OR6P1: variants seen among roughly 807,000 people sequenced by gnomAD.
OR6P1 encodes olfactory receptor 6P1.
In OR6P1, 5 loss-of-function variants were observed where a neutral mutation model predicts 6.6. The observed-to-expected ratio is 0.76, with a 90% CI of 0.40 to 1.60. The LOEUF (loss-of-function observed/expected upper bound fraction) is 1.60, where lower values mean the gene tolerates loss of function less well. Ranked by LOEUF, OR6P1 falls within the 40% of genes most tolerant of loss-of-function variation. The pLI, the probability that OR6P1 is intolerant of heterozygous loss-of-function variation, is 0.02. For synonymous variants in OR6P1, 177 were observed against 149.6 expected (o/e 1.18, Z -1.33); for missense variants, 451 against 383.0 (o/e 1.18, Z -1.48).
chr1:158,560,608 T>C lies in OR6P1; in HGVS notation c.*2043A>G, dbSNP rs1261882381. The C allele has an allele frequency of 6.6e-6, 1 of 152,104 alleles. No homozygotes were observed. The highest frequency in any genetic ancestry group is 1.5e-5 in the Non-Finnish European group (1 of 68,010). The allele number at this position is 152,104 out of a possible 1,614,324, so 9.4% of individuals were successfully genotyped here. A position where few individuals can be genotyped will look rare whatever the true frequency, so the allele number is the denominator to read the frequency against. On this transcript the variant is annotated 3_prime_UTR_variant, in exon 3 of 3. Coordinates refer to ENST00000641540, the MANE Select transcript of OR6P1 (RefSeq NM_001160325.2). ...CAAATCCAACATTCTAGAAGGGCAG[T>C]TTTAGGAGTTTCTCTTACAGAAAGG...
chr1:158,564,446 G>C (rs1377983132), intron 2 of OR6P1, among the ~76,000 whole-genome samples: 2 of 151,912 alleles, frequency 1.3e-5, no homozygotes, highest in Admixed American at 1.3e-4. Flanking sequence ...CAATGAAAAA[G>C]GTCTTTACAA....
intron 2 of OR6P1, 23 bp from the exon 3 acceptor site, chr1:158,563,649 C>G (rs888549193): frequency 1.5e-6 from 2 of 1,298,940 alleles, no homozygotes; most frequent in Non-Finnish European, 2.1e-6. Context: ...ACAGGAAGAA[C>G]AAGAGGTTTG....
chr1:158,566,506 C>A lies in OR6P1; in HGVS notation c.-23+258G>T, dbSNP rs188657141. 5.3e-5 allele frequency among the ~76,000 whole-genome samples: 8 copies of A among 152,198 alleles called. No individual in the cohort carries two copies. In the East Asian group the frequency reaches 9.7e-4, roughly 18 times the overall value. On this transcript the variant is annotated intron_variant, in intron 2 of 2. Coordinates refer to ENST00000641540, the MANE Select transcript of OR6P1 (RefSeq NM_001160325.2). ...AGGTAAGGGAATTGAGATGCTAAGGCAGACTGAACAATGACAGAACATCTG... is the reference window on the plus strand; with the variant it reads ...AGGTAAGGGAATTGAGATGCTAAGGAAGACTGAACAATGACAGAACATCTG...
Position 158,562,656 on chromosome 1 carries a change from C to T in OR6P1, c.949G>A (p.Asp317Asn), listed in dbSNP as rs1223567634. The T allele has an allele frequency of 6.5e-7, 1 of 1,545,404 alleles. No homozygotes were observed. The change falls in exon 3 of 3, where the codon GAC becomes AAC. Residue 317 changes from aspartate (D) to asparagine (N), a missense_variant. By Grantham distance (23) the Asp-to-Asn change is conservative. Coordinates refer to ENST00000641540, the MANE Select transcript of OR6P1 (RefSeq NM_001160325.2). ...CTCCCAAGACCTGTTGTATATCAGTCCTGAACATCCCTAGGATAGTGACAT... is the reference window on the plus strand; with the variant it reads ...CTCCCAAGACCTGTTGTATATCAGTTCTGAACATCCCTAGGATAGTGACAT... ...GRCHYPRDVQ[D>N]
At chr1:158,564,594 C>T (rs769981586) in intron 2 of OR6P1, among the ~76,000 whole-genome samples, 7 of 152,068 alleles carry the variant, frequency 4.6e-5, no homozygotes, top group Non-Finnish European at 1.0e-4. Flanking sequence ...AATGAATGCC[C>T]ACAGCCATCA....
chr1:158,569,977 G>GT (rs372703224), intron 1 of OR6P1, among the ~76,000 whole-genome samples: 46 of 151,226 alleles, frequency 3.0e-4, no homozygotes, highest in African/African-American at 6.1e-4. Context: ...AATAGTTTTT[G>GT]TTTTTTTTTA....
chr1:158,564,638 G>T (rs1379933634), intron 2 of OR6P1, among the ~76,000 whole-genome samples: 1 of 152,172 alleles, frequency 6.6e-6, no homozygotes, highest in South Asian at 2.1e-4. Flanking sequence ...TTTCTCAAGA[G>T]CCTCCAGAGG....
In OR6P1 at chr1:158,563,716, C is replaced by T. The variant is rs753084207; in HGVS notation, c.-22-90G>A. On this transcript the variant is annotated intron_variant, in intron 2 of 2. Transcript: ENST00000641540. The stretch of plus-strand genomic sequence containing the variant: ...CTCACAGGTTATAACCACTGAAGAG[C>T]TTAGTGGCATATTAATTATTATAAC... The T allele has an allele frequency of 2.0e-5, 13 of 645,522 alleles. 1 individual carries two copies. In the Middle Eastern group the frequency reaches 2.8e-3, roughly 140 times the overall value. 40.0% of individuals were successfully genotyped at this position (645,522 alleles called of 1,614,324 possible). A position where few individuals can be genotyped will look rare whatever the true frequency, so the allele number is the denominator to read the frequency against.
rs1557899832 is a variant in OR6P1 at position 158,563,003 on chromosome 1, A to T, written c.602T>A (p.Leu201His). The stretch of plus-strand genomic sequence containing the variant: ...GAGTAGAATCATCACCAGGGCCAGA[A>T]GGAAGTCTACTAGCTCTGCTTGCTC... ...DKEQAELVDF[L>H]LALVMILLPL... Residue 201 changes from leucine (L) to histidine (H), a missense_variant, in exon 3 of 3, where the codon CTT (leucine) becomes CAT (histidine). Transcript: ENST00000641540. The T allele has an allele frequency of 6.4e-7, 1 of 1,551,784 alleles. No individual in the cohort carries two copies. The highest frequency in any genetic ancestry group is 2.4e-5 in the East Asian group (1 of 40,918).
chr1:158,569,949 T>C (rs554487168), intron 1 of OR6P1, among the ~76,000 whole-genome samples: 1 of 152,362 alleles, frequency 6.6e-6, no homozygotes, highest in South Asian at 2.1e-4. Flanking sequence ...TCTCTGTGTA[T>C]GGCAGTCAAA....
At chr1:158,568,511 C>A (rs561328940) in intron 1 of OR6P1, among the ~76,000 whole-genome samples, 1 of 152,134 alleles carries the variant, frequency 6.6e-6, no homozygotes, top group African/African-American at 2.4e-5. Context: ...ATGGGGAACA[C>A]CTTGAAGAAT....
chr1:158,565,539 A>G (rs1648075426), intron 2 of OR6P1, among the ~76,000 whole-genome samples: 1 of 152,170 alleles, frequency 6.6e-6, no homozygotes, highest in African/African-American at 2.4e-5. Context: ...GTGCTTTATA[A>G]AAGATTTTCT....
At position 158,562,723 on chromosome 1, in the gene OR6P1, G is replaced by C. The variant is rs1316077484; in HGVS notation, c.882C>G (p.Asn294Lys). ...TCCTGAAGGCCTCCTTCACCTCCTT[G>C]TTCCTCAGGCAGTAGATGGCTGGGT... ...FFNPAIYCLR[N>K]KEVKEAFRKT... The change falls in exon 3 of 3, where the codon AAC becomes AAG. Residue 294 changes from asparagine (N) to lysine (K), a missense_variant. Coordinates refer to ENST00000641540, the MANE Select transcript of OR6P1 (RefSeq NM_001160325.2). 1 of 1,561,792 alleles carries C rather than the reference G, an allele frequency of 6.4e-7. No homozygotes were observed. The highest frequency in any genetic ancestry group is 8.7e-7 in the Non-Finnish European group (1 of 1,152,250).
Position 158,562,639 on chromosome 1 carries a change from AC to A in OR6P1, c.*11del. On this transcript the variant is annotated 3_prime_UTR_variant, in exon 3 of 3. Transcript: ENST00000641540. ...TTCTGCTATTTTCACCTCTCCCAAG[AC>A]CTGTTGTATATCAGTCCTGAACATC... is the stretch of plus-strand genomic sequence containing the variant. 1 of 1,480,524 alleles carries A rather than the reference AC, an allele frequency of 6.8e-7. No homozygotes were observed. The highest frequency in any genetic ancestry group is 9.2e-7 in the Non-Finnish European group (1 of 1,081,498). The allele number at this position is 1,480,524 out of a possible 1,614,324, so 91.7% of individuals were successfully genotyped here.
At chr1:158,567,200 T>C (rs1243135365) in intron 1 of OR6P1, among the ~76,000 whole-genome samples, 1 of 151,952 alleles carries the variant, frequency 6.6e-6, no homozygotes, top group Non-Finnish European at 1.5e-5. Context: ...TTGGTGGGAC[T>C]GTAAACTAGT....
chr1:158,567,974 C>T (rs570073624), intron 1 of OR6P1, among the ~76,000 whole-genome samples: 11 of 151,864 alleles, frequency 7.2e-5, no homozygotes, highest in African/African-American at 2.4e-4. Context: ...GTGCCTATAC[C>T]CCTCCCTCCT....
At position 158,563,320 on chromosome 1, in the gene OR6P1, T is replaced by C. The variant is rs1418648876; in HGVS notation, c.285A>G (p.Val95=). ...FLTQDGRVSY[V]GCMTQLYFFI... ...AGAAGTACAGTTGGGTCATGCAACC[T>C]ACGTAGGAGACTCTACCATCCTGGG... The change falls in exon 3 of 3, where the codon GTA becomes GTG. Residue 95 remains valine, a synonymous_variant. Transcript: ENST00000641540. 1.9e-6 allele frequency: 3 copies of C among 1,551,350 alleles called. No homozygotes were observed. The highest frequency in any genetic ancestry group is 2.0e-5 in the Admixed American group (1 of 50,982).
intron 2 of OR6P1, among the ~76,000 whole-genome samples, chr1:158,565,567 A>T (rs1648076274): frequency 6.6e-6 from 1 of 152,052 alleles, no homozygotes; most frequent in South Asian, 2.1e-4. Flanking sequence ...TTATATAATT[A>T]GCATACATTT....
chr1:158,566,644 T>G (rs1294593347), intron 2 of OR6P1, 120 bp downstream of exon 2: 1 of 152,204 alleles, frequency 6.6e-6, no homozygotes, highest in Non-Finnish European at 1.5e-5. Flanking sequence ...TTGTTTAGTC[T>G]TGAATTTACA....
Sources: gnomAD v4.1 joint callset for allele counts (sites outside exome capture counted in the v4.1 genomes callset) on GRCh38, gnomAD v4.1.1 for gene constraint, MANE v1.5 for transcripts, NCBI Gene and HGNC (gene_info 2026-07-23, HGNC 2026-07-21) for gene names.